Variants in GRIA1 observed in about 807,000 individuals in gnomAD.
GRIA1 encodes the protein glutamate receptor 1.
A neutral mutation model predicts 99.2 loss-of-function variants in GRIA1; 31 were observed. The ratio of observed to expected loss-of-function variants is 0.31; its 90% CI spans 0.23 to 0.42. The LOEUF (loss-of-function observed/expected upper bound fraction) is 0.42, where lower values mean the gene tolerates loss of function less well. Among genes scored for constraint, GRIA1 ranks in the 10% least tolerant of loss-of-function variants. The pLI is 1.00. For missense variants in GRIA1, 782 were observed against 1,157.5 expected (o/e 0.68, Z 4.71); for synonymous variants, 438 against 432.4 (o/e 1.01, Z -0.16).
rs573981995 is a variant in GRIA1, at chr5:153,794,801, T to A, written c.2385+66T>A. On this transcript the variant is annotated intron_variant, in intron 14 of 15. Coordinates refer to ENST00000285900, the MANE Select transcript of GRIA1 (RefSeq NM_000827.4). ...AATAGCATGGCTGGTAACCAGCAACTGTTCTCCCAATACCTATCCTGCTTC... is the reference window on the plus strand; with the variant it reads ...AATAGCATGGCTGGTAACCAGCAACAGTTCTCCCAATACCTATCCTGCTTC... The A allele has an allele frequency of 8.4e-4, 761 of 909,430 alleles. 13 individuals are homozygous for A. The South Asian group carries it at 0.01, about 12-fold the overall frequency. The allele number at this position is 909,430 out of a possible 1,614,324, so 56.3% of individuals were successfully genotyped here.
chr5:153,579,323 G>C (rs1762844056), intron 2 of GRIA1, among the ~76,000 whole-genome samples: 1 of 152,118 alleles, frequency 6.6e-6, no homozygotes, highest in Non-Finnish European at 1.5e-5. Flanking sequence ...TTATTCCATA[G>C]CACCAATGTA....
intron 11 of GRIA1, among the ~76,000 whole-genome samples, chr5:153,708,854 G>A (rs373143937): frequency 5.9e-5 from 9 of 152,340 alleles, no homozygotes; most frequent in Non-Finnish European, 8.8e-5. Context: ...GACTTTGGCT[G>A]AAAGGTCTGA....
intron 2 of GRIA1, among the ~76,000 whole-genome samples, chr5:153,532,374 A>T (rs926518420): frequency 6.6e-6 from 1 of 151,928 alleles, no homozygotes; most frequent in African/African-American, 2.4e-5. Flanking sequence ...CAGACCTCAC[A>T]CTCACTCCTT....
chr5:153,708,251 G>A (rs568061361), intron 11 of GRIA1, among the ~76,000 whole-genome samples: 1 of 152,208 alleles, frequency 6.6e-6, no homozygotes, highest in South Asian at 2.1e-4. Flanking sequence ...CTTCCCTCTT[G>A]AACAGGTCCG....
intron 10 of GRIA1, among the ~76,000 whole-genome samples, chr5:153,699,316 C>T (rs1300775362): frequency 1.3e-5 from 2 of 152,222 alleles, no homozygotes; most frequent in Non-Finnish European, 2.9e-5. Context: ...TCGTCCAACA[C>T]AGGTGACAGC....
chr5:153,518,037 C>T (rs755693572), intron 2 of GRIA1, among the ~76,000 whole-genome samples: 1 of 152,188 alleles, frequency 6.6e-6, no homozygotes. Flanking sequence ...TTTGCACTGG[C>T]TGTTCCCTTT....
chr5:153,791,201 G>A (rs1315993614), intron 13 of GRIA1, among the ~76,000 whole-genome samples: 2 of 151,200 alleles, frequency 1.3e-5, no homozygotes, highest in African/African-American at 4.9e-5. Flanking sequence ...TTGGGAGGCC[G>A]AGGCAGGAGG....
intron 11 of GRIA1, among the ~76,000 whole-genome samples, chr5:153,739,402 G>A (rs1210030772): frequency 6.6e-6 from 1 of 152,162 alleles, no homozygotes; most frequent in African/African-American, 2.4e-5. Flanking sequence ...GGTAAGCCTG[G>A]AAAGTGTCAC....
intron 2 of GRIA1, among the ~76,000 whole-genome samples, chr5:153,515,849 C>T (rs512983): frequency 0.24 from 36,303 of 151,960 alleles, 4,597 homozygotes; most frequent in Middle Eastern, 0.41. Flanking sequence ...CAGCTTAGTC[C>T]GGTGTTCAAT....
At chr5:153,739,557 G>A (rs1438268934) in intron 11 of GRIA1, among the ~76,000 whole-genome samples, 1 of 152,160 alleles carries the variant, frequency 6.6e-6, no homozygotes, top group African/African-American at 2.4e-5. Flanking sequence ...TTATAGACAG[G>A]ATTCAGAGCT....
chr5:153,579,019 G>A (rs577502770), intron 2 of GRIA1, among the ~76,000 whole-genome samples: 1 of 152,266 alleles, frequency 6.6e-6, no homozygotes, highest in South Asian at 2.1e-4. Flanking sequence ...CCTTCCAAGA[G>A]GTTGTCTGAG....
chr5:153,490,074 C>CT (rs796734929), upstream of GRIA1, among the ~76,000 whole-genome samples: 562 of 140,638 alleles, frequency 4.0e-3, 1 homozygote, highest in Middle Eastern at 0.014. Context: ...AGAGAGAAAG[C>CT]TTTTTTTTTT....
chr5:153,565,875 T>C (rs1005650590), intron 2 of GRIA1, among the ~76,000 whole-genome samples: 4 of 152,204 alleles, frequency 2.6e-5, no homozygotes, highest in South Asian at 2.1e-4. Context: ...CATTTATTAG[T>C]TGATAGACAT....
At chr5:153,737,290 TAAAAA>T (rs35443126) in intron 11 of GRIA1, among the ~76,000 whole-genome samples, 3 of 74,072 alleles carry the variant, frequency 4.1e-5, no homozygotes, top group Admixed American at 1.7e-4. Context: ...GCAACCCCGG[TAAAAA>T]AAAAAAAAAA....
At chr5:153,636,585 G>A (rs1200101412) in intron 2 of GRIA1, among the ~76,000 whole-genome samples, 3 of 152,194 alleles carry the variant, frequency 2.0e-5, no homozygotes, top group Non-Finnish European at 4.4e-5. Context: ...GCTTTTTGCA[G>A]AAAAAGTTTG....
chr5:153,783,473 AG>A (rs1403156250), intron 13 of GRIA1, among the ~76,000 whole-genome samples: 1 of 152,200 alleles, frequency 6.6e-6, no homozygotes, highest in East Asian at 1.9e-4. Flanking sequence ...GGGGTGGGCT[AG>A]GCATCACACT....
intron 5 of GRIA1, 58 bp from the exon 6 acceptor site, chr5:153,674,442 G>C: frequency 6.3e-7 from 1 of 1,595,584 alleles, no homozygotes; most frequent in African/African-American, 1.3e-5. Flanking sequence ...TTTGGAACAG[G>C]TTAAGTTGAT....
intron 11 of GRIA1, among the ~76,000 whole-genome samples, chr5:153,760,506 A>C (rs1763108812): frequency 6.6e-6 from 1 of 152,130 alleles, no homozygotes; most frequent in Non-Finnish European, 1.5e-5. Flanking sequence ...ACTATAAAAC[A>C]TTGATGAAAG....
rs1178549982 is a variant in GRIA1, at chr5:153,676,328, T to C, written c.862-666T>C. Among the ~76,000 whole-genome samples the C allele has an allele frequency of 2.0e-5, 3 of 152,182 alleles. No individual in the cohort carries two copies. The East Asian group carries it at 5.8e-4, about 29-fold the overall frequency. ...ACAGACATAGGTTCCAAAGCCAGGATATATTTTCCTGGACTGCTCTCCTGA... is the reference window on the plus strand; with the variant it reads ...ACAGACATAGGTTCCAAAGCCAGGACATATTTTCCTGGACTGCTCTCCTGA... On this transcript the variant is annotated intron_variant, in intron 6 of 15. Coordinates refer to ENST00000285900, the MANE Select transcript of GRIA1 (RefSeq NM_000827.4).
Sources: allele counts gnomAD v4.1 joint callset (sites outside exome capture counted in the v4.1 genomes callset), GRCh38; gene constraint gnomAD v4.1.1; transcripts MANE v1.5; gene names NCBI Gene and HGNC (gene_info 2026-07-23, HGNC 2026-07-21).